Variants in SKOR1 observed in about 807,000 individuals in gnomAD.
SKOR1 encodes LBX1 corepressor 1.
Under a neutral mutation model 72.4 loss-of-function variants are expected in SKOR1, and 38 were observed. The ratio of observed to expected loss-of-function variants is 0.52; its 90% confidence interval spans 0.40 to 0.69. The LOEUF is 0.69. SKOR1 is among the 30% of genes least tolerant of loss of function. SKOR1 has a pLI of 0.00. For missense variants in SKOR1, 1,320 were observed against 1,343.2 expected, an observed-to-expected ratio of 0.98 and a Z score of 0.27; for synonymous variants, 642 against 599.4, an observed-to-expected ratio of 1.07 and a Z score of -1.04.
In SKOR1 at chr15:67,833,504, A is replaced by G. The variant is rs1402131372; in HGVS notation, c.2804-238A>G. ...TCTATTACCAATTCTGGCTTTGAGC[A>G]GGTTGACTCCTCTCTTACTGTGCCT... On this transcript the variant is annotated intron_variant, in intron 8 of 8. Coordinates refer to ENST00000380035, the MANE Select transcript of SKOR1 (RefSeq NM_001365915.1). This position sits in a 1 kb window ranked among gnomAD's most constrained non-coding sequence, Gnocchi z 6.0. Among the ~76,000 whole-genome samples the G allele has an allele frequency of 1.3e-5, 2 of 152,172 alleles. No homozygotes were observed. The highest frequency in any genetic ancestry group is 2.4e-5 in the African/African-American group (1 of 41,438).
chr15:67,832,382 T>TAGAA lies in SKOR1; in HGVS notation c.2662+34_2662+35insAGAA, dbSNP rs1566977386. 4.3e-6 allele frequency: 7 copies of TAGAA among 1,609,612 alleles called. No homozygotes were observed. The highest frequency in any genetic ancestry group is 5.1e-6 in the Non-Finnish European group (6 of 1,176,464). On this transcript the variant is annotated intron_variant, in intron 6 of 8. Transcript: ENST00000380035. The surrounding 1 kb of genome is among the most constrained non-coding windows in gnomAD (Gnocchi z 4.5). ...TGCCATCCTGCCTCACCCCACCTCATCACCGAGCCTTCCACCAGGGTGCCC... is the reference window on the plus strand; with the variant it reads ...TGCCATCCTGCCTCACCCCACCTCATAGAACACCGAGCCTTCCACCAGGGTGCCC...
rs746848960 is a variant in SKOR1, at chr15:67,827,373, A to G, written c.1545A>G (p.Ala515=). 122 of 1,562,862 alleles carry G rather than the reference A, an allele frequency of 7.8e-5. No homozygotes were observed. Among genetic ancestry groups the G allele is most frequent in the Middle Eastern group, 1.7e-4 (1 of 5,932 alleles). Residue 515 remains alanine, a synonymous_variant, in exon 2 of 9, where the codon GCA becomes GCG. Transcript: ENST00000380035. ...AAQSQAKAVA[A]AVAAAAAAAA... ...AGAGCCAAGCCAAGGCCGTGGCGGC[A>G]GCCGTGGCGGCGGCAGCGGCGGCGG...
In SKOR1 at chr15:67,827,378, T is replaced by C. The variant is rs1566975894; in HGVS notation, c.1550T>C (p.Val517Ala). The C allele has an allele frequency of 6.4e-7, 1 of 1,561,272 alleles. No individual in the cohort carries two copies. Among genetic ancestry groups the C allele is most frequent in the Non-Finnish European group, 8.6e-7 (1 of 1,163,348 alleles). Residue 517 changes from valine to alanine, a missense_variant, in exon 2 of 9, where the codon GTG becomes GCG. Coordinates refer to ENST00000380035, the MANE Select transcript of SKOR1 (RefSeq NM_001365915.1). ...CAAGCCAAGGCCGTGGCGGCAGCCGTGGCGGCGGCAGCGGCGGCGGCAGCG... is the reference window on the plus strand; with the variant it reads ...CAAGCCAAGGCCGTGGCGGCAGCCGCGGCGGCGGCAGCGGCGGCGGCAGCG... Reference protein sequence around the residue: ...QSQAKAVAAAVAAAAAAAAAA... With the variant: ...QSQAKAVAAAAAAAAAAAAAA...
intron 2 of SKOR1, among the ~76,000 whole-genome samples, 173 bp downstream of exon 2, chr15:67,828,317 G>T (rs1003096782): frequency 6.6e-6 from 1 of 152,214 alleles, no homozygotes; most frequent in East Asian, 1.9e-4. Flanking sequence ...GGGCCCACCC[G>T]CACCCTCCAG....
At position 67,827,633 on chromosome 15, in the gene SKOR1, C is replaced by G; in HGVS notation, c.1805C>G (p.Thr602Ser). The G allele has an allele frequency of 4.6e-6, 7 of 1,531,136 alleles. No homozygotes were observed. The highest frequency in any genetic ancestry group is 6.1e-6 in the Non-Finnish European group (7 of 1,144,634). The allele number at this position is 1,531,136 out of a possible 1,614,324, so 94.8% of individuals were successfully genotyped here. Reference protein sequence around the residue: ...VSAFRPVVKDTESIAKLYGSA... With the variant: ...VSAFRPVVKDSESIAKLYGSA... ...GCCTTCCGGCCGGTGGTCAAGGACA[C>G]CGAGAGCATCGCTAAGCTCTACGGG... Residue 602 changes from threonine to serine, a missense_variant, in exon 2 of 9, where the codon ACC becomes AGC. By Grantham distance (58) the Thr-to-Ser change is moderately conservative (BLOSUM62 1). Around this residue, in one of 3 missense-constraint regions of SKOR1, gnomAD observed 1,099 missense variants for 1,025.5 expected, o/e 1.07. Coordinates refer to ENST00000380035, the MANE Select transcript of SKOR1 (RefSeq NM_001365915.1).
chr15:67,829,265 C>A lies in SKOR1; in HGVS notation c.2403C>A (p.Ala801=). ...PAASYVCTPE[A]HEPDKEDNHS... ...CCTCCTACGTCTGCACCCCCGAGGCCCACGGTAACGCCTGTCGCGGCCGCT... is the reference window on the plus strand; with the variant it reads ...CCTCCTACGTCTGCACCCCCGAGGCACACGGTAACGCCTGTCGCGGCCGCT... Residue 801 remains alanine, a synonymous_variant, in exon 3 of 9, where the codon GCC becomes GCA. Transcript: ENST00000380035. 6.5e-7 allele frequency: 1 copy of A among 1,550,084 alleles called. No homozygotes were observed. Among genetic ancestry groups the A allele is most frequent in the Non-Finnish European group, 8.7e-7 (1 of 1,154,720 alleles).
chr15:67,826,655 G>A lies in SKOR1; in HGVS notation c.827G>A (p.Arg276His). 1 of 1,605,784 alleles carries A rather than the reference G, an allele frequency of 6.2e-7. No homozygotes were observed. Among genetic ancestry groups the A allele is most frequent in the Non-Finnish European group, 8.5e-7 (1 of 1,176,212 alleles). ...AAGGCCATGTTTAATGGCGGCACGC[G>A]CAAGCGGACCTTCTCCCTACAAGGA... ...DVKAMFNGGT[R>H]KRTFSLQGGG... Residue 276 changes from arginine (R) to histidine (H), a missense_variant, in exon 2 of 9, where the codon CGC (arginine) becomes CAC (histidine). Arg to His is a conservative substitution (Grantham distance 29, BLOSUM62 0). This residue lies in a region of SKOR1 where 1,099 missense variants were observed against 1,025.5 expected (regional missense o/e 1.07). Transcript: ENST00000380035.
At chr15:67,830,488 C>G (rs1005974451) in intron 4 of SKOR1, among the ~76,000 whole-genome samples, 190 bp downstream of exon 4, 24 of 152,112 alleles carry the variant, frequency 1.6e-4, no homozygotes, top group African/African-American at 5.3e-4. Flanking sequence ...TTGCTGCCTC[C>G]TTGGTGGGTT....
chr15:67,833,312 C>T lies in SKOR1; in HGVS notation c.2803+55C>T. The T allele has an allele frequency of 6.4e-7, 1 of 1,567,458 alleles. No homozygotes were observed. Among genetic ancestry groups the T allele is most frequent in the African/African-American group, 1.4e-5 (1 of 74,048 alleles). On this transcript the variant is annotated intron_variant, in intron 8 of 8. Coordinates refer to ENST00000380035, the MANE Select transcript of SKOR1 (RefSeq NM_001365915.1). The surrounding 1 kb of genome is among the most constrained non-coding windows in gnomAD (Gnocchi z 6.0). ...GGGTGCTGGGTGCCGGCCGTGCTGT[C>T]GACTGAATGAATGAATAGTGGGACT...
chr15:67,825,845 GC>G lies in SKOR1; in HGVS notation c.108-88del. On this transcript the variant is annotated intron_variant, in intron 1 of 8. Transcript: ENST00000380035. The surrounding 1 kb of genome is among the most constrained non-coding windows in gnomAD (Gnocchi z 5.6). Reference sequence around the variant, plus strand: ...CCCCACTGCCAAGTATCCCCCGCGCGCCCAACTCGGAGCGCCCTGCTGGGCG... The same window carrying G: ...CCCCACTGCCAAGTATCCCCCGCGCGCCAACTCGGAGCGCCCTGCTGGGCG... 1.3e-6 allele frequency: 2 copies of G among 1,514,530 alleles called. No individual in the cohort carries two copies. Among genetic ancestry groups the G allele is most frequent in the Admixed American group, 4.4e-5 (2 of 45,326 alleles). 93.8% of individuals were successfully genotyped at this position (1,514,530 alleles called of 1,614,324 possible). A position where few individuals can be genotyped will look rare whatever the true frequency, so the allele number is the denominator to read the frequency against.
intron 4 of SKOR1, 55 bp downstream of exon 4, chr15:67,830,353 G>A: frequency 6.6e-7 from 1 of 1,520,622 alleles, no homozygotes; most frequent in East Asian, 2.3e-5. Flanking sequence ...CTGGGACCCA[G>A]GTCGCCCAGG....
Position 67,826,976 on chromosome 15 carries a change from G to A in SKOR1, c.1148G>A (p.Gly383Glu). 1 of 1,596,328 alleles carries A rather than the reference G, an allele frequency of 6.3e-7. No individual in the cohort carries two copies. The highest frequency in any genetic ancestry group is 1.1e-5 in the South Asian group (1 of 90,776). ...PVIPVPSKGF[G>E]LLQKLPPPLF... is the part of the protein sequence containing the mutation. ...ATCCCGGTGCCCAGCAAAGGCTTTG[G>A]GCTCCTGCAAAAGCTGCCCCCACCA... is the stretch of plus-strand genomic sequence containing the variant. Residue 383 changes from glycine (G) to glutamate (E), a missense_variant, in exon 2 of 9, where the codon GGG (glycine) becomes GAG (glutamate). Physicochemically the swap from Gly to Glu is moderately conservative, Grantham distance 98. Coordinates refer to ENST00000380035, the MANE Select transcript of SKOR1 (RefSeq NM_001365915.1).
In SKOR1 at chr15:67,833,473, C is replaced by A. The variant is rs1256880691; in HGVS notation, c.2803+216C>A. The stretch of plus-strand genomic sequence containing the variant: ...CTTGGGCTTTGGACGTCAGAAAAAT[C>A]TGCCTTCTATTACCAATTCTGGCTT... On this transcript the variant is annotated intron_variant, in intron 8 of 8. Transcript: ENST00000380035. This position sits in a 1 kb window ranked among gnomAD's most constrained non-coding sequence, Gnocchi z 6.0. Among the ~76,000 whole-genome samples, 4 of 152,206 alleles carry A rather than the reference C, an allele frequency of 2.6e-5. No individual in the cohort carries two copies. The highest frequency in any genetic ancestry group is 9.7e-5 in the African/African-American group (4 of 41,440).
chr15:67,832,484 G>C lies in SKOR1; in HGVS notation c.2663-123G>C. ...GGAGACAAGAAACTGTCCTTTTCCA[G>C]GGCTGCAGGCGAATGGCTGGGTGGG... On this transcript the variant is annotated intron_variant, in intron 6 of 8. Transcript: ENST00000380035. This position sits in a 1 kb window ranked among gnomAD's most constrained non-coding sequence, Gnocchi z 4.5. 1.5e-6 allele frequency: 2 copies of C among 1,320,884 alleles called. No individual in the cohort carries two copies. The highest frequency in any genetic ancestry group is 4.6e-5 in the East Asian group (2 of 43,224). 81.8% of individuals were successfully genotyped at this position (1,320,884 alleles called of 1,614,324 possible).
rs536008007 is a variant in SKOR1 at position 67,829,356 on chromosome 15, A to G, written c.2407+87A>G. The G allele has an allele frequency of 9.5e-6, 11 of 1,157,932 alleles. No individual in the cohort carries two copies. In the Admixed American group the frequency reaches 2.4e-4, roughly 25 times the overall value. 71.7% of individuals were successfully genotyped at this position (1,157,932 alleles called of 1,614,324 possible). Reference sequence around the variant, plus strand: ...CAAGGAAGGCCTGCGAAGGAAGACAAGGAGAGAGACGCAGAGAAAGAGGGA... The same window carrying G: ...CAAGGAAGGCCTGCGAAGGAAGACAGGGAGAGAGACGCAGAGAAAGAGGGA... On this transcript the variant is annotated intron_variant, in intron 3 of 8. Transcript: ENST00000380035.
Position 67,826,380 on chromosome 15 carries a change from G to A in SKOR1, c.552G>A (p.Val184=). The A allele has an allele frequency of 6.2e-7, 1 of 1,613,868 alleles. No homozygotes were observed. Among genetic ancestry groups the A allele is most frequent in the Non-Finnish European group, 8.5e-7 (1 of 1,179,990 alleles). ...CCGAGAACTTCGCCTTCGATGTGGT[G>A]CACGAGTGCGCGTGGGGCTCGCGTG... ...KLPENFAFDV[V]HECAWGSRGS... The change falls in exon 2 of 9, where the codon GTG becomes GTA. Residue 184 remains valine (V), a synonymous_variant. Transcript: ENST00000380035.
chr15:67,833,881 T>C lies in SKOR1; in HGVS notation c.*45T>C. Reference sequence around the variant, plus strand: ...CTGCGCCCTCAAGCCATGCTGCTCCTTGTAAATACCCGCTGCTGCGGTGGC... The same window carrying C: ...CTGCGCCCTCAAGCCATGCTGCTCCCTGTAAATACCCGCTGCTGCGGTGGC... On this transcript the variant is annotated 3_prime_UTR_variant, in exon 9 of 9. Coordinates refer to ENST00000380035, the MANE Select transcript of SKOR1 (RefSeq NM_001365915.1). This position sits in a 1 kb window ranked among gnomAD's most constrained non-coding sequence, Gnocchi z 6.0. 2 of 1,572,134 alleles carry C rather than the reference T, an allele frequency of 1.3e-6. No individual in the cohort carries two copies. Among genetic ancestry groups the C allele is most frequent in the Non-Finnish European group, 1.7e-6 (2 of 1,152,560 alleles).
intron 3 of SKOR1, among the ~76,000 whole-genome samples, chr15:67,829,529 C>T (rs750979329): frequency 6.6e-6 from 1 of 152,258 alleles, no homozygotes; most frequent in African/African-American, 2.4e-5. Context: ...GCGTTAAACC[C>T]TTAACAAAAT....
At chr15:67,831,903 C>CCGGGGGGGGG (rs1476265010) in intron 5 of SKOR1, among the ~76,000 whole-genome samples, 13 of 28,748 alleles carry the variant, frequency 4.5e-4, no homozygotes, top group African/African-American at 3.3e-3. Context: ...GGCGGCGGTG[C>CCGGGGGGGGG]GGGGGGGGGA....
Sources: gnomAD v4.1 joint callset for allele counts (sites outside exome capture counted in the v4.1 genomes callset) on GRCh38, gnomAD v4.1.1 for gene constraint, gnomAD v4.1.1 regional missense constraint, Gnocchi (gnomAD v3.1) non-coding constraint, MANE v1.5 for transcripts, NCBI Gene and HGNC (gene_info 2026-07-23, HGNC 2026-07-21) for gene names.